Variants in ZNHIT6 observed in about 807,000 individuals in gnomAD.
ZNHIT6 encodes box C/D snoRNA protein 1.
ZNHIT6 carries 45 observed loss-of-function variants against 57.2 expected under a neutral mutation model. The observed-to-expected ratio is 0.79, with a 90% CI of 0.62 to 1.01. The LOEUF is 1.01. ZNHIT6 is among the 50% of genes least tolerant of loss of function. The pLI is 0.00. For synonymous variants in ZNHIT6, 188 were observed against 190.0 expected, an observed-to-expected ratio of 0.99 and a Z score of 0.09; for missense variants, 528 against 567.3, an observed-to-expected ratio of 0.93 and a Z score of 0.70.
At chr1:85,666,112 T>G (rs920617062) in intron 8 of ZNHIT6, among the ~76,000 whole-genome samples, 2 of 152,154 alleles carry the variant, frequency 1.3e-5, no homozygotes, top group African/African-American at 4.8e-5. Context: ...GGGAATACAA[T>G]GGTGTACTAT....
chr1:85,708,095 T>C lies in ZNHIT6; in HGVS notation c.190A>G (p.Ser64Gly). Residue 64 changes from serine (S) to glycine (G), a missense_variant, in exon 1 of 10, where the codon AGT becomes GGT. Physicochemically the swap from Ser to Gly is moderately conservative, Grantham distance 56 (BLOSUM62 0). Transcript: ENST00000370574. ...IKEIGDGEEG[S>G]GQRPEEIPMD... Reference sequence around the variant, plus strand: ...GGTATTTCCTCTGGCCTTTGTCCACTTCCTTCCTCTCCATCCCCTATCTCC... The same window carrying C: ...GGTATTTCCTCTGGCCTTTGTCCACCTCCTTCCTCTCCATCCCCTATCTCC... The C allele has an allele frequency of 6.2e-7, 1 of 1,614,100 alleles. No homozygotes were observed. Among genetic ancestry groups the C allele is most frequent in the African/African-American group, 1.3e-5 (1 of 75,012 alleles).
chr1:85,680,562 AAGT>A (rs1661844915), intron 6 of ZNHIT6, among the ~76,000 whole-genome samples: 1 of 152,134 alleles, frequency 6.6e-6, no homozygotes, highest in Non-Finnish European at 1.5e-5. Context: ...GTATTCCCAA[AAGT>A]ACACTATTTA....
At position 85,658,763 on chromosome 1, in the gene ZNHIT6, C is replaced by T. The variant is rs187022219; in HGVS notation, c.1248-792G>A. Among the ~76,000 whole-genome samples the T allele has an allele frequency of 5.5e-3, 832 of 151,804 alleles. 9 individuals are homozygous for T. Among genetic ancestry groups the T allele is most frequent in the African/African-American group, 0.019 (802 of 41,462 alleles). On this transcript the variant is annotated intron_variant, in intron 8 of 9. Transcript: ENST00000370574. ...GCACATGCCTGTAATCACAGCTACT[C>T]GGGAGGCTGAGGTGGGAGAATCGCT...
chr1:85,680,818 G>C lies in ZNHIT6; in HGVS notation c.1088+18C>G. The C allele has an allele frequency of 6.3e-7, 1 of 1,590,156 alleles. No individual in the cohort carries two copies. Among genetic ancestry groups the C allele is most frequent in the South Asian group, 1.1e-5 (1 of 87,722 alleles). ...TTCAAATTAAAACAAATCAGTGATTGAAAGATAGCAGTGATACCTTTTTTC... is the reference window on the plus strand; with the variant it reads ...TTCAAATTAAAACAAATCAGTGATTCAAAGATAGCAGTGATACCTTTTTTC... On this transcript the variant is annotated intron_variant, in intron 6 of 9. Coordinates refer to ENST00000370574, the MANE Select transcript of ZNHIT6 (RefSeq NM_017953.4).
At chr1:85,706,576 C>A in intron 1 of ZNHIT6, 69 bp from the exon 2 acceptor site, 1 of 1,334,130 alleles carries the variant, frequency 7.5e-7, no homozygotes, top group South Asian at 1.8e-5. Context: ...CTTAGAATTC[C>A]CAATCAATTT....
At chr1:85,688,203 T>C (rs1313408561) in intron 5 of ZNHIT6, among the ~76,000 whole-genome samples, 1 of 152,216 alleles carries the variant, frequency 6.6e-6, no homozygotes, top group Non-Finnish European at 1.5e-5. Flanking sequence ...CCTTTAATCC[T>C]TATAATTCTA....
intron 9 of ZNHIT6, among the ~76,000 whole-genome samples, chr1:85,655,025 C>T (rs935670310): frequency 1.3e-5 from 2 of 152,138 alleles, no homozygotes; most frequent in African/African-American, 4.8e-5. Context: ...TGTACCTAGA[C>T]TTCAGATTGT....
At chr1:85,672,968 T>C (rs1661603251) in intron 8 of ZNHIT6, among the ~76,000 whole-genome samples, 1 of 152,256 alleles carries the variant, frequency 6.6e-6, no homozygotes. Context: ...GGTTGTTTTA[T>C]AAATTCTTCA....
At chr1:85,655,584 G>A (rs1661038422) in intron 9 of ZNHIT6, among the ~76,000 whole-genome samples, 1 of 152,132 alleles carries the variant, frequency 6.6e-6, no homozygotes, top group Admixed American at 6.5e-5. Context: ...TATTGAAGGT[G>A]CCCAGTTTTC....
At chr1:85,691,372 C>T (rs897398858) in intron 5 of ZNHIT6, among the ~76,000 whole-genome samples, 8 of 152,164 alleles carry the variant, frequency 5.3e-5, no homozygotes, top group Non-Finnish European at 1.2e-4. Flanking sequence ...TTCCAACTGT[C>T]TGGGAAGTAG....
chr1:85,707,394 G>T (rs1471582739), intron 1 of ZNHIT6, among the ~76,000 whole-genome samples: 1 of 152,026 alleles, frequency 6.6e-6, no homozygotes, highest in Non-Finnish European at 1.5e-5. Flanking sequence ...TTCCTAACTT[G>T]ACCATTACCC....
At chr1:85,704,162 A>C (rs777817333) in intron 4 of ZNHIT6, among the ~76,000 whole-genome samples, 2 of 152,220 alleles carry the variant, frequency 1.3e-5, no homozygotes, top group Non-Finnish European at 2.9e-5. Context: ...ACATTCATAC[A>C]CTATTGGTGA....
intron 5 of ZNHIT6, among the ~76,000 whole-genome samples, chr1:85,687,184 G>A (rs1457521492): frequency 6.7e-6 from 1 of 150,040 alleles, no homozygotes; most frequent in Non-Finnish European, 1.5e-5. Context: ...GCAGGCTGCG[G>A]CAGAAGAATC....
chr1:85,665,841 A>G lies in ZNHIT6; in HGVS notation c.1248-7870T>C, dbSNP rs1305352860. Among the ~76,000 whole-genome samples the G allele has an allele frequency of 2.0e-5, 3 of 152,200 alleles. No individual in the cohort carries two copies. The East Asian group carries it at 5.8e-4, about 29-fold the overall frequency. ...CTTTTGCTTAGAGGTTCAACAGTCC[A>G]TGAATTAACTACATTATAGAATGGT... is the stretch of plus-strand genomic sequence containing the variant. On this transcript the variant is annotated intron_variant, in intron 8 of 9. Transcript: ENST00000370574.
intron 8 of ZNHIT6, among the ~76,000 whole-genome samples, chr1:85,664,127 A>G (rs890060026): frequency 2.0e-5 from 3 of 152,192 alleles, no homozygotes; most frequent in African/African-American, 4.8e-5. Context: ...TTCATGGACG[A>G]TATCTTAAAA....
intron 8 of ZNHIT6, among the ~76,000 whole-genome samples, chr1:85,669,000 T>G (rs1487340518): frequency 2.0e-5 from 3 of 151,024 alleles, no homozygotes; most frequent in African/African-American, 7.4e-5. Flanking sequence ...AAAAAAAAAA[T>G]GTAGGTTTCT....
At chr1:85,656,269 T>C (rs182133506) in intron 9 of ZNHIT6, among the ~76,000 whole-genome samples, 2 of 152,292 alleles carry the variant, frequency 1.3e-5, no homozygotes, top group Non-Finnish European at 2.9e-5. Flanking sequence ...TCAGATACTT[T>C]TAGTTCTTTG....
chr1:85,659,807 G>A lies in ZNHIT6; in HGVS notation c.1248-1836C>T, dbSNP rs145536687. Reference sequence around the variant, plus strand: ...AAAATGCAGAGCCAAGCTTACTAAAGTTAGAGAACAACTGTAAAACCAAAA... The same window carrying A: ...AAAATGCAGAGCCAAGCTTACTAAAATTAGAGAACAACTGTAAAACCAAAA... On this transcript the variant is annotated intron_variant, in intron 8 of 9. Transcript: ENST00000370574. 5.3e-5 allele frequency among the ~76,000 whole-genome samples: 8 copies of A among 152,294 alleles called. No homozygotes were observed. The East Asian group carries it at 7.7e-4, about 15-fold the overall frequency.
chr1:85,687,505 A>G (rs1398859051), intron 5 of ZNHIT6, among the ~76,000 whole-genome samples: 1 of 152,038 alleles, frequency 6.6e-6, no homozygotes, highest in Non-Finnish European at 1.5e-5. Context: ...TATGGATTCT[A>G]TCTTGTAATT....
Sources: allele counts gnomAD v4.1 joint callset (sites outside exome capture counted in the v4.1 genomes callset), GRCh38; gene constraint gnomAD v4.1.1; transcripts MANE v1.5; gene names NCBI Gene and HGNC (gene_info 2026-07-23, HGNC 2026-07-21).